Variants in LUC7L2 observed in about 807,000 individuals in gnomAD.
LUC7L2 encodes the protein LUC7 like 2, pre-mRNA splicing factor, also known as putative RNA-binding protein Luc7-like 2.
In LUC7L2, 25 loss-of-function variants were observed where a neutral mutation model predicts 52.8. The observed-to-expected ratio is 0.47, with a 90% CI of 0.34 to 0.66. The LOEUF is 0.66. Ranked by LOEUF, LUC7L2 falls within the 30% of genes least tolerant of loss-of-function variation. The pLI is 0.01. For missense variants in LUC7L2, 328 were observed against 497.8 expected (o/e 0.66, Z 3.25); for synonymous variants, 144 against 160.9 (o/e 0.89, Z 0.80).
At chr7:139,410,586 A>G (rs539032055) in intron 7 of LUC7L2, among the ~76,000 whole-genome samples, 2 of 152,172 alleles carry the variant, frequency 1.3e-5, no homozygotes, top group Non-Finnish European at 2.9e-5. Context: ...TTTGTAACTC[A>G]TCTTTTTAAC....
intron 7 of LUC7L2, among the ~76,000 whole-genome samples, chr7:139,410,290 G>T (rs1213331475): frequency 8.2e-6 from 1 of 121,950 alleles, no homozygotes; most frequent in Non-Finnish European, 1.6e-5. Context: ...GGTTAGCATA[G>T]AATTATTATT....
chr7:139,344,732 T>C (rs1267898624), intron 1 of LUC7L2, among the ~76,000 whole-genome samples: 1 of 144,066 alleles, frequency 6.9e-6, no homozygotes, highest in Non-Finnish European at 1.5e-5. Flanking sequence ...AGATGGAGTC[T>C]CCTTCTGTTA....
At position 139,374,301 on chromosome 7, in the gene LUC7L2, C is replaced by T. The variant is rs187353705; in HGVS notation, c.62-1761C>T. 377 of 854,566 alleles carry T rather than the reference C, an allele frequency of 4.4e-4. 1 individual carries two copies. The African/African-American group carries it at 5.5e-3, about 13-fold the overall frequency. The allele number at this position is 854,566 out of a possible 1,614,324, so 52.9% of individuals were successfully genotyped here. On this transcript the variant is annotated intron_variant, in intron 1 of 9. Transcript: ENST00000354926. ...CACTTTTGTTTTTATATAAAAGAAT[C>T]TTTACAGTCAACATGTACTTCTAGA...
Position 139,379,101 on chromosome 7 carries a change from C to T in LUC7L2, c.156+2945C>T, listed in dbSNP as rs528242666. Among the ~76,000 whole-genome samples, 390 of 152,244 alleles carry T rather than the reference C, an allele frequency of 2.6e-3. 6 individuals are homozygous for T. Among genetic ancestry groups the T allele is most frequent in the Non-Finnish European group, 5.3e-4 (36 of 68,020 alleles). On this transcript the variant is annotated intron_variant, in intron 2 of 9. Coordinates refer to ENST00000354926, the MANE Select transcript of LUC7L2 (RefSeq NM_016019.5). ...TGAACTCTTGACCTCTTGATCTGTT[C>T]GCCTCAGCCTCCCAAAGTGCTGGAA... is the stretch of plus-strand genomic sequence containing the variant.
rs751903011 is a variant in LUC7L2, at chr7:139,412,592, A to G, written c.809+12A>G. 1.9e-6 allele frequency: 3 copies of G among 1,603,416 alleles called. No individual in the cohort carries two copies. Among genetic ancestry groups the G allele is most frequent in the South Asian group, 2.3e-5 (2 of 88,436 alleles). ...AAGAATCCAAAAAGGTAGGTGTATT[A>G]CATAAGACAGGTATAAGTAGTGAAG... On this transcript the variant is annotated intron_variant, in intron 8 of 9. Coordinates refer to ENST00000354926, the MANE Select transcript of LUC7L2 (RefSeq NM_016019.5).
chr7:139,359,731 A>T, upstream of LUC7L2: 1 of 399,824 alleles, frequency 2.5e-6, no homozygotes, highest in Non-Finnish European at 4.4e-6. Flanking sequence ...TTAAGGAACC[A>T]GAGTATCGCG....
intron 4 of LUC7L2, 88 bp downstream of exon 4, chr7:139,402,335 G>T: frequency 7.8e-7 from 1 of 1,285,854 alleles, no homozygotes; most frequent in Non-Finnish European, 1.0e-6. Context: ...AGATTTGCAA[G>T]AGATTGCAAA....
intron 2 of LUC7L2, among the ~76,000 whole-genome samples, chr7:139,397,951 A>G (rs575518097): frequency 6.6e-6 from 1 of 152,286 alleles, no homozygotes; most frequent in East Asian, 1.9e-4. Flanking sequence ...ACTAGTTTAT[A>G]TGGAGTCTTG....
At chr7:139,417,949 A>G (rs903576021) in intron 9 of LUC7L2, among the ~76,000 whole-genome samples, 8 of 152,236 alleles carry the variant, frequency 5.3e-5, no homozygotes, top group African/African-American at 1.9e-4. Context: ...ATTGGAACCA[A>G]TATGTGTAGA....
Position 139,399,773 on chromosome 7 carries a change from G to A in LUC7L2, c.255+1076G>A, listed in dbSNP as rs543847810. ...CGTGAGCCACGGCACCCGGCCGTTT[G>A]GGGGATATTAAGGACAGTGTTTTTA... is the stretch of plus-strand genomic sequence containing the variant. On this transcript the variant is annotated intron_variant, in intron 3 of 9. Transcript: ENST00000354926. Among the ~76,000 whole-genome samples the A allele has an allele frequency of 1.8e-3, 272 of 152,076 alleles. 2 individuals carry two copies. Among genetic ancestry groups the A allele is most frequent in the South Asian group, 4.8e-3 (23 of 4,820 alleles).
chr7:139,408,439 A>G (rs1476638860), intron 6 of LUC7L2, among the ~76,000 whole-genome samples: 3 of 152,232 alleles, frequency 2.0e-5, no homozygotes, highest in Admixed American at 6.5e-5. Flanking sequence ...ATCACAGGGC[A>G]TGGGAACTTG....
intron 2 of LUC7L2, among the ~76,000 whole-genome samples, chr7:139,382,313 C>A (rs185418310): frequency 0.017 from 2,597 of 152,260 alleles, 25 homozygotes; most frequent in Middle Eastern, 0.024. Context: ...AAAATACTTA[C>A]AGATAGGGTT....
At chr7:139,380,770 T>C (rs761728166) in intron 2 of LUC7L2, among the ~76,000 whole-genome samples, 8 of 152,210 alleles carry the variant, frequency 5.3e-5, no homozygotes, top group Non-Finnish European at 7.3e-5. Context: ...TAAACCAAGC[T>C]GTCATTTTTT....
chr7:139,375,443 A>G (rs1585088482), intron 1 of LUC7L2: 1 of 985,420 alleles, frequency 1.0e-6, no homozygotes. Flanking sequence ...CTGGTGTGTA[A>G]GTCCTTCTTC....
rs552414469 is a variant in LUC7L2, at chr7:139,346,539, C to T, written c.-26+6022C>T. The stretch of plus-strand genomic sequence containing the variant: ...TTAAAGGGATACATAAAGATGTGGG[C>T]GAATTAAGGTTGAGATGGTGAAGCT... On this transcript the variant is annotated intron_variant, in intron 1 of 10. Coordinates refer to the LUC7L2 transcript ENST00000541170. Among the ~76,000 whole-genome samples the T allele has an allele frequency of 8.5e-5, 13 of 152,156 alleles. No individual in the cohort carries two copies. The South Asian group carries it at 1.9e-3, about 22-fold the overall frequency.
At chr7:139,350,307 G>T (rs941996560) in intron 1 of LUC7L2, among the ~76,000 whole-genome samples, 4 of 151,936 alleles carry the variant, frequency 2.6e-5, no homozygotes, top group Admixed American at 6.6e-5. Context: ...ATTTTTAGTA[G>T]AGACGGGGTT....
chr7:139,349,616 C>A (rs1277843972), intron 1 of LUC7L2, among the ~76,000 whole-genome samples: 1 of 21,026 alleles, frequency 4.8e-5, no homozygotes, highest in Non-Finnish European at 7.5e-5. Context: ...TCAACTGCTC[C>A]CCCCCCCCCC....
chr7:139,422,442 A>T lies in LUC7L2; in HGVS notation c.*102A>T. 6.7e-7 allele frequency: 1 copy of T among 1,487,250 alleles called. No homozygotes were observed. The highest frequency in any genetic ancestry group is 8.9e-7 in the Non-Finnish European group (1 of 1,120,468). The allele number at this position is 1,487,250 out of a possible 1,614,324, so 92.1% of individuals were successfully genotyped here. ...GTGACAGTGAGCAGATCCAGACACCAGATCCAGCTAGGCTAGATGTACAGT... is the reference window on the plus strand; with the variant it reads ...GTGACAGTGAGCAGATCCAGACACCTGATCCAGCTAGGCTAGATGTACAGT... On this transcript the variant is annotated 3_prime_UTR_variant, in exon 10 of 10. Transcript: ENST00000354926.
intron 1 of LUC7L2, among the ~76,000 whole-genome samples, chr7:139,361,499 G>A (rs1799882197): frequency 6.6e-6 from 1 of 152,228 alleles, no homozygotes; most frequent in Non-Finnish European, 1.5e-5. Flanking sequence ...AGTGCGTAGA[G>A]TGGCTTTTCA....
Sources: allele counts gnomAD v4.1 joint callset (sites outside exome capture counted in the v4.1 genomes callset), GRCh38; gene constraint gnomAD v4.1.1; transcripts MANE v1.5; gene names NCBI Gene and HGNC (gene_info 2026-07-23, HGNC 2026-07-21).